The following NOX4 variants were observed in gnomAD, a reference collection of about 807,000 sequenced individuals.
The protein encoded by NOX4 is NADPH oxidase 4.
Under a neutral mutation model 87.6 loss-of-function variants are expected in NOX4, and 69 were observed. The ratio of observed to expected loss-of-function variants is 0.79; its 90% CI spans 0.65 to 0.96. NOX4 has a LOEUF of 0.96. NOX4 is among the 40% of genes least tolerant of loss of function. NOX4 has a pLI of 0.00. For missense variants in NOX4, 680 were observed against 681.5 expected (o/e 1.00, Z 0.02); for synonymous variants, 275 against 238.2 (o/e 1.15, Z -1.42).
At chr11:89,511,357 A>G in the NOX4 span, among the ~76,000 whole-genome samples, 1 of 151,860 alleles carries the variant, frequency 6.6e-6, no homozygotes, top group Non-Finnish European at 1.5e-5. Context: ...CAGTCTAATT[A>G]AAATTTTATA....
intron 4 of NOX4, among the ~76,000 whole-genome samples, chr11:89,447,945 T>G (rs1170925341): frequency 6.6e-6 from 1 of 152,102 alleles, no homozygotes; most frequent in Non-Finnish European, 1.5e-5. Flanking sequence ...ATTTCAACAA[T>G]GCTTGGCAAT....
the NOX4 span, among the ~76,000 whole-genome samples, chr11:89,522,945 CTT>C: frequency 3.9e-5 from 6 of 152,300 alleles, no homozygotes; most frequent in African/African-American, 9.6e-5. Flanking sequence ...TTACAACAAA[CTT>C]AACTCACTTA....
intron 2 of NOX4, among the ~76,000 whole-genome samples, chr11:89,453,082 A>G (rs1439915040): frequency 2.6e-5 from 4 of 152,128 alleles, no homozygotes; most frequent in Admixed American, 2.6e-4. Context: ...ACTCTTAGCT[A>G]TTTTGAAAAA....
At chr11:89,340,968 C>T (rs1169848632) in intron 14 of NOX4, among the ~76,000 whole-genome samples, 1 of 151,590 alleles carries the variant, frequency 6.6e-6, no homozygotes, top group Admixed American at 6.6e-5. Context: ...TTTTTTGGTT[C>T]TGCAAAAAAA....
At chr11:89,364,251 T>G (rs1245603378) in intron 12 of NOX4, among the ~76,000 whole-genome samples, 1 of 151,974 alleles carries the variant, frequency 6.6e-6, no homozygotes, top group Non-Finnish European at 1.5e-5. Flanking sequence ...TGTCTCTCTC[T>G]CTCTTTCTCT....
the NOX4 span, among the ~76,000 whole-genome samples, chr11:89,541,854 A>G: frequency 2.6e-5 from 4 of 152,156 alleles, no homozygotes; most frequent in Non-Finnish European, 5.9e-5. Flanking sequence ...AGTTCTCACT[A>G]TGTCACCCAG....
chr11:89,511,598 G>A, the NOX4 span, among the ~76,000 whole-genome samples: 1 of 151,870 alleles, frequency 6.6e-6, no homozygotes, highest in Non-Finnish European at 1.5e-5. Flanking sequence ...ATAGAATCCT[G>A]ATTACAAATA....
At position 89,485,019 on chromosome 11, in the gene NOX4, T is replaced by C. The variant is rs184474077; in HGVS notation, c.153+5439A>G. 2.8e-3 allele frequency among the ~76,000 whole-genome samples: 420 copies of C among 152,262 alleles called. 1 individual carries two copies. Among genetic ancestry groups the C allele is most frequent in the Non-Finnish European group, 3.7e-3 (249 of 67,974 alleles). ...GCCAGCTGTGAAACTAACATTGACTTAAAATCCTAGATCCATTTGTCCAGA... is the reference window on the plus strand; with the variant it reads ...GCCAGCTGTGAAACTAACATTGACTCAAAATCCTAGATCCATTTGTCCAGA... On this transcript the variant is annotated intron_variant, in intron 2 of 17. Transcript: ENST00000263317.
chr11:89,559,178 C>T, the NOX4 span, among the ~76,000 whole-genome samples: 5 of 151,974 alleles, frequency 3.3e-5, no homozygotes, highest in African/African-American at 9.7e-5. Context: ...AATCATGGGT[C>T]CTGCTCTCAA....
chr11:89,559,727 T>C, the NOX4 span, among the ~76,000 whole-genome samples: 1 of 152,178 alleles, frequency 6.6e-6, no homozygotes, highest in East Asian at 1.9e-4. Flanking sequence ...ATAATTGCTG[T>C]GTTTGGCAAC....
At chr11:89,528,591 G>T in the NOX4 span, among the ~76,000 whole-genome samples, 1 of 152,130 alleles carries the variant, frequency 6.6e-6, no homozygotes, top group South Asian at 2.1e-4. Flanking sequence ...AGATCTGATG[G>T]TTTTATAAGG....
At chr11:89,446,470 T>C (rs1226008181) in intron 4 of NOX4, among the ~76,000 whole-genome samples, 1 of 151,306 alleles carries the variant, frequency 6.6e-6, no homozygotes, top group Non-Finnish European at 1.5e-5. Context: ...CCAACATGTC[T>C]TTCAATAGGT....
intron 11 of NOX4, among the ~76,000 whole-genome samples, chr11:89,397,391 A>G (rs1941563596): frequency 6.6e-6 from 1 of 152,198 alleles, no homozygotes; most frequent in African/African-American, 2.4e-5. Context: ...TGGCACCCTA[A>G]TATCACAATT....
chr11:89,477,441 T>C (rs898195444), intron 2 of NOX4, among the ~76,000 whole-genome samples: 2 of 152,150 alleles, frequency 1.3e-5, no homozygotes, highest in Non-Finnish European at 1.5e-5. Context: ...TGCCAGCTGC[T>C]CACCTCCTGC....
chr11:89,455,744 A>ATATATATATATATATGTG (rs1163284365), intron 2 of NOX4, among the ~76,000 whole-genome samples: 4 of 146,896 alleles, frequency 2.7e-5, no homozygotes, highest in African/African-American at 1.0e-4. Context: ...ATATATATAT[A>ATATATATATATATATGTG]TGAAACAAAA....
the NOX4 span, among the ~76,000 whole-genome samples, chr11:89,571,400 G>T: frequency 6.6e-6 from 1 of 151,626 alleles, no homozygotes; most frequent in African/African-American, 2.4e-5. Context: ...GGGTTCAAGT[G>T]ATTCTTCTGC....
chr11:89,446,488 TA>T (rs34023440), intron 4 of NOX4, among the ~76,000 whole-genome samples: 21 of 147,904 alleles, frequency 1.4e-4, no homozygotes, highest in East Asian at 5.9e-4. Context: ...GGTGAATAGA[TA>T]AAAAAAAAAC....
At chr11:89,387,114 C>A (rs1448270541) in intron 11 of NOX4, among the ~76,000 whole-genome samples, 1 of 151,960 alleles carries the variant, frequency 6.6e-6, no homozygotes, top group Non-Finnish European at 1.5e-5. Context: ...CTCTCCATAC[C>A]ACCCCCAAAA....
intron 6 of NOX4, among the ~76,000 whole-genome samples, chr11:89,434,948 C>T (rs1172325117): frequency 1.3e-5 from 2 of 151,884 alleles, no homozygotes; most frequent in Non-Finnish European, 2.9e-5. Flanking sequence ...GAAAGCAGAT[C>T]AGTTGCTAGG....
Sources: allele counts gnomAD v4.1 joint callset (sites outside exome capture counted in the v4.1 genomes callset), GRCh38; gene constraint gnomAD v4.1.1; transcripts MANE v1.5; gene names NCBI Gene and HGNC (gene_info 2026-07-23, HGNC 2026-07-21).